B3GALT1: variants seen among roughly 807,000 people sequenced by gnomAD.
B3GALT1 encodes the protein UDP-Gal:betaGlcNAc beta 1,3-galactosyltransferase, polypeptide 1.
Under a neutral mutation model 23.2 loss-of-function variants are expected in B3GALT1, and 10 were observed. The ratio of observed to expected loss-of-function variants is 0.43; its 90% CI spans 0.27 to 0.73. B3GALT1 has a LOEUF of 0.73. Among genes scored for constraint, B3GALT1 ranks in the 30% least tolerant of loss-of-function variants. The probability of loss-of-function intolerance (pLI) is 0.21; values close to 1 mark genes in which losing one functional copy is unlikely to be tolerated. For synonymous variants in B3GALT1, 156 were observed against 141.5 expected (o/e 1.10, Z -0.73); for missense variants, 299 against 405.4 (o/e 0.74, Z 2.25).
At chr2:167,399,192 CAT>C (rs1245988409) in intron 1 of B3GALT1, among the ~76,000 whole-genome samples, 2 of 152,114 alleles carry the variant, frequency 1.3e-5, no homozygotes, top group African/African-American at 2.4e-5. Context: ...ATCCTAGGAA[CAT>C]GTGAACCAAC....
intron 1 of B3GALT1, among the ~76,000 whole-genome samples, chr2:167,448,242 A>G (rs535235925): frequency 6.6e-6 from 1 of 152,158 alleles, no homozygotes; most frequent in Non-Finnish European, 1.5e-5. Flanking sequence ...TCCTACCAGC[A>G]GTGGAAAAGT....
chr2:167,742,898 T>C (rs1247518654), intron 3 of B3GALT1, among the ~76,000 whole-genome samples: 1 of 152,108 alleles, frequency 6.6e-6, no homozygotes, highest in Non-Finnish European at 1.5e-5. Context: ...CCTACTATAA[T>C]GAATTTTGTT....
chr2:167,713,899 A>G (rs1687101956), intron 3 of B3GALT1: 1 of 1,582,316 alleles, frequency 6.3e-7, no homozygotes, highest in Admixed American at 1.7e-5. Context: ...TGGTTCCTGG[A>G]GGAGGTTGGG....
chr2:167,798,970 G>T (rs2105338110), intron 3 of B3GALT1, among the ~76,000 whole-genome samples: 1 of 152,318 alleles, frequency 6.6e-6, no homozygotes, highest in Non-Finnish European at 1.5e-5. Context: ...ACCACAATAT[G>T]TGACCCATAG....
intron 2 of B3GALT1, among the ~76,000 whole-genome samples, chr2:167,497,539 C>T (rs971166187): frequency 1.9e-4 from 29 of 152,020 alleles, no homozygotes; most frequent in Admixed American, 1.3e-3. Flanking sequence ...AGAAGTTCTG[C>T]TTCAGGCTAG....
At chr2:167,622,665 A>G (rs901704593) in intron 2 of B3GALT1, among the ~76,000 whole-genome samples, 1 of 152,136 alleles carries the variant, frequency 6.6e-6, no homozygotes, top group Non-Finnish European at 1.5e-5. Flanking sequence ...GTACATTTTA[A>G]TATCTCTAAA....
At chr2:167,586,054 A>G (rs912507347) in intron 2 of B3GALT1, among the ~76,000 whole-genome samples, 1 of 152,168 alleles carries the variant, frequency 6.6e-6, no homozygotes, top group Non-Finnish European at 1.5e-5. Context: ...CATTTTTTGG[A>G]GTGGCTGGTA....
chr2:167,618,602 A>AT (rs1361228672), intron 2 of B3GALT1, among the ~76,000 whole-genome samples: 3 of 152,016 alleles, frequency 2.0e-5, no homozygotes, highest in Non-Finnish European at 4.4e-5. Flanking sequence ...TATACGACTA[A>AT]TGTTCTTCAT....
In B3GALT1 at chr2:167,823,161, A is replaced by G. The variant is rs556094086; in HGVS notation, c.-230+4368A>G. ...GGGGTGAAGAAAGCCTGGGTTCCCA[A>G]ATCACCAGGTGAAAAGCTTTCTGGC... is the stretch of plus-strand genomic sequence containing the variant. On this transcript the variant is annotated intron_variant, in intron 4 of 4. Transcript: ENST00000392690. Among the ~76,000 whole-genome samples, 3 of 152,300 alleles carry G rather than the reference A, an allele frequency of 2.0e-5. No homozygotes were observed. In the East Asian group the frequency reaches 5.8e-4, roughly 29 times the overall value.
At chr2:167,685,494 A>G (rs1254592517) in intron 3 of B3GALT1, among the ~76,000 whole-genome samples, 1 of 152,188 alleles carries the variant, frequency 6.6e-6, no homozygotes, top group African/African-American at 2.4e-5. Flanking sequence ...TTAGCAAAGA[A>G]GCTCAGGAAA....
chr2:167,751,302 G>A (rs540495413), intron 3 of B3GALT1, among the ~76,000 whole-genome samples: 169 of 152,278 alleles, frequency 1.1e-3, no homozygotes, highest in Middle Eastern at 6.8e-3. Context: ...CATAATACCA[G>A]CAAACCCTTG....
At chr2:167,481,412 T>G (rs1029406395) in intron 1 of B3GALT1, among the ~76,000 whole-genome samples, 3 of 152,210 alleles carry the variant, frequency 2.0e-5, no homozygotes, top group Admixed American at 1.3e-4. Context: ...AATGTTTTAA[T>G]TATATACCTC....
At chr2:167,598,707 G>A (rs1684825086) in intron 2 of B3GALT1, among the ~76,000 whole-genome samples, 1 of 152,140 alleles carries the variant, frequency 6.6e-6, no homozygotes, top group Admixed American at 6.5e-5. Context: ...CAGTATCAGT[G>A]GCTTGTGGAA....
chr2:167,520,229 G>A (rs1177262518), intron 2 of B3GALT1, among the ~76,000 whole-genome samples: 2 of 152,108 alleles, frequency 1.3e-5, no homozygotes, highest in African/African-American at 4.8e-5. Context: ...CATCCCTAAA[G>A]TATTAAGGAT....
chr2:167,810,857 T>C (rs1688874570), intron 3 of B3GALT1, among the ~76,000 whole-genome samples: 2 of 152,214 alleles, frequency 1.3e-5, no homozygotes, highest in African/African-American at 4.8e-5. Flanking sequence ...CCTGTTAAAA[T>C]GTACAGCTTC....
At chr2:167,661,401 A>G (rs1312069748) in intron 3 of B3GALT1, among the ~76,000 whole-genome samples, 1 of 152,112 alleles carries the variant, frequency 6.6e-6, no homozygotes, top group African/African-American at 2.4e-5. Context: ...ACCAGTCTTT[A>G]GAGGCTGATT....
At chr2:167,414,017 C>G (rs1384849691) in intron 1 of B3GALT1, among the ~76,000 whole-genome samples, 1 of 151,988 alleles carries the variant, frequency 6.6e-6, no homozygotes, top group African/African-American at 2.4e-5. Flanking sequence ...TTTCCTTTCT[C>G]TATTAGGTTC....
chr2:167,470,991 T>A (rs987423279), intron 1 of B3GALT1, among the ~76,000 whole-genome samples: 1 of 152,162 alleles, frequency 6.6e-6, no homozygotes, highest in Non-Finnish European at 1.5e-5. Context: ...TTGTTATGCT[T>A]TATACAGGTA....
At chr2:167,469,282 C>T (rs1302303560) in intron 1 of B3GALT1, among the ~76,000 whole-genome samples, 1 of 152,160 alleles carries the variant, frequency 6.6e-6, no homozygotes, top group Admixed American at 6.5e-5. Flanking sequence ...ATCTGTGCCT[C>T]AGTTTCTCAT....
Sources: allele counts gnomAD v4.1 joint callset (sites outside exome capture counted in the v4.1 genomes callset), GRCh38; gene constraint gnomAD v4.1.1; transcripts MANE v1.5; gene names NCBI Gene and HGNC (gene_info 2026-07-23, HGNC 2026-07-21).